The following SLC60A2 variants were observed in gnomAD, a reference collection of about 807,000 sequenced individuals.
SLC60A2 encodes the protein solute carrier family 60 member 2.
the SLC60A2 span, among the ~76,000 whole-genome samples, chr6:111,265,655 G>A: frequency 1.3e-5 from 2 of 152,064 alleles, no homozygotes; most frequent in Non-Finnish European, 2.9e-5. Context: ...TGTAGAATTC[G>A]ATTTGTGAGT....
At chr6:111,266,565 AC>A in the SLC60A2 span, 1 of 1,614,206 alleles carries the variant, frequency 6.2e-7, no homozygotes, top group Non-Finnish European at 8.5e-7. Flanking sequence ...TTCAATGGCA[AC>A]CACATTTCCG....
the SLC60A2 span, chr6:111,263,782 A>C: frequency 1.0e-6 from 1 of 1,003,920 alleles, no homozygotes; most frequent in Non-Finnish European, 1.6e-6. Context: ...GACTTGATCC[A>C]TGACTGCATG....
the SLC60A2 span, chr6:111,262,446 G>C: frequency 1.3e-6 from 2 of 1,594,604 alleles, no homozygotes; most frequent in South Asian, 1.1e-5. Context: ...GCTAATTTTA[G>C]CTTCTTTATG....
At chr6:111,263,404 C>T in the SLC60A2 span, among the ~76,000 whole-genome samples, 2 of 152,082 alleles carry the variant, frequency 1.3e-5, no homozygotes, top group Non-Finnish European at 2.9e-5. Context: ...GTATTTTCCT[C>T]CCTATTTCCC....
chr6:111,271,687 C>G, the SLC60A2 span, among the ~76,000 whole-genome samples: 1 of 136,408 alleles, frequency 7.3e-6, no homozygotes, highest in East Asian at 2.3e-4. Context: ...CCTGTAATCA[C>G]AGCACTTTGG....
At chr6:111,266,361 G>A in the SLC60A2 span, 34 of 1,613,942 alleles carry the variant, frequency 2.1e-5, no homozygotes, top group Non-Finnish European at 1.7e-5. Flanking sequence ...AGAAAGTGAA[G>A]CTGCTGGGTT....
chr6:111,274,604 C>CT, the SLC60A2 span, among the ~76,000 whole-genome samples: 3 of 151,886 alleles, frequency 2.0e-5, no homozygotes, highest in African/African-American at 4.8e-5. Context: ...TTTTTCCTCT[C>CT]AATGTTTATC....
At chr6:111,271,868 T>C in the SLC60A2 span, among the ~76,000 whole-genome samples, 1 of 141,426 alleles carries the variant, frequency 7.1e-6, no homozygotes, top group African/African-American at 2.6e-5. Context: ...CTGGGGAGGC[T>C]GAGGCACGAG....
chr6:111,273,078 G>A, the SLC60A2 span, among the ~76,000 whole-genome samples: 1 of 152,146 alleles, frequency 6.6e-6, no homozygotes, highest in African/African-American at 2.4e-5. Context: ...TGATCCACTT[G>A]CCTCGGGTCA....
chr6:111,279,098 T>A, the SLC60A2 span, among the ~76,000 whole-genome samples: 7 of 151,942 alleles, frequency 4.6e-5, no homozygotes, highest in Admixed American at 4.6e-4. Flanking sequence ...TCCTCCCCAA[T>A]CCCCCGTAAT....
At chr6:111,259,555 A>G in the SLC60A2 span, 1 of 729,254 alleles carries the variant, frequency 1.4e-6, no homozygotes, top group Non-Finnish European at 2.1e-6. Context: ...TTAGAGGTGG[A>G]GCTCCGTGGG....
At chr6:111,266,565 A>C in the SLC60A2 span, 8 of 1,614,206 alleles carry the variant, frequency 5.0e-6, no homozygotes, top group South Asian at 7.7e-5. Context: ...TTCAATGGCA[A>C]CCACATTTCC....
the SLC60A2 span, among the ~76,000 whole-genome samples, chr6:111,276,449 C>T: frequency 1.1e-4 from 17 of 152,196 alleles, no homozygotes; most frequent in Admixed American, 2.6e-4. Flanking sequence ...AGACTTTAGG[C>T]GCATTATGAT....
the SLC60A2 span, chr6:111,266,664 G>A: frequency 1.9e-6 from 3 of 1,614,146 alleles, no homozygotes; most frequent in Non-Finnish European, 1.7e-6. Context: ...GGGAGAAATG[G>A]CTATTCCTGC....
chr6:111,260,197 C>T, the SLC60A2 span, among the ~76,000 whole-genome samples: 4 of 152,222 alleles, frequency 2.6e-5, no homozygotes, highest in Admixed American at 2.0e-4. Flanking sequence ...CGGCGTGAGC[C>T]ACGGCGCCCG....
chr6:111,265,778 G>A, the SLC60A2 span: 1 of 933,300 alleles, frequency 1.1e-6, no homozygotes, highest in Admixed American at 2.6e-5. Flanking sequence ...CTTGTGCTAT[G>A]TAAAATAGAC....
chr6:111,266,033 C>T, the SLC60A2 span: 1 of 1,614,202 alleles, frequency 6.2e-7, no homozygotes, highest in Non-Finnish European at 8.5e-7. Flanking sequence ...CAGAGTCTGA[C>T]TTCCATCCTG....
the SLC60A2 span, chr6:111,265,951 C>A: frequency 1.2e-6 from 2 of 1,614,114 alleles, no homozygotes; most frequent in Non-Finnish European, 1.7e-6. Flanking sequence ...TTCTCTTTTG[C>A]CTTGGGTGCC....
At chr6:111,268,349 A>C in the SLC60A2 span, 1 of 152,160 alleles carries the variant, frequency 6.6e-6, no homozygotes, top group Admixed American at 6.5e-5. Context: ...TCTTACAATC[A>C]GTGATCGTTT....
Sources: allele counts gnomAD v4.1 joint callset (sites outside exome capture counted in the v4.1 genomes callset), GRCh38; gene constraint gnomAD v4.1.1; transcripts MANE v1.5; gene names NCBI Gene and HGNC (gene_info 2026-07-23, HGNC 2026-07-21).